Variants in RBFOX1 observed in about 807,000 individuals in gnomAD.
RBFOX1 encodes the protein RNA binding protein fox-1 homolog 1.
In RBFOX1, 8 loss-of-function variants were observed where a neutral mutation model predicts 57.7. The observed-to-expected ratio is 0.14, with a 90% CI of 0.08 to 0.25. The LOEUF (loss-of-function observed/expected upper bound fraction) is 0.25, where lower values mean the gene tolerates loss of function less well. Among genes scored for constraint, RBFOX1 ranks in the 10% least tolerant of loss-of-function variants. The pLI is 1.00. For missense variants in RBFOX1, 611 were observed against 548.5 expected, an observed-to-expected ratio of 1.11 and a Z score of -1.14; for synonymous variants, 326 against 222.4, an observed-to-expected ratio of 1.47 and a Z score of -4.15.
At chr16:6,331,580 A>G (rs911382098) in intron 2 of RBFOX1, among the ~76,000 whole-genome samples, 4 of 131,776 alleles carry the variant, frequency 3.0e-5, no homozygotes, top group Non-Finnish European at 4.7e-5. Context: ...GTGTGTGTGT[A>G]TATATATATG....
In RBFOX1 at chr16:6,503,205, AT is replaced by A. The variant is rs1046942525; in HGVS notation, c.-63-151391del. ...TTTTTTTATTATTTGTTTTCATAAC[AT>A]TTTTTTAATAAAAATAACGTTAAAA... is the stretch of plus-strand genomic sequence containing the variant. On this transcript the variant is annotated intron_variant, in intron 2 of 15. Coordinates refer to ENST00000550418, the MANE Select transcript of RBFOX1 (RefSeq NM_018723.4). 5.3e-3 allele frequency among the ~76,000 whole-genome samples: 178 copies of A among 33,848 alleles called. 1 individual carries two copies. The highest frequency in any genetic ancestry group is 0.023 in the East Asian group (17 of 736). The allele number at this position is 33,848 out of a possible 152,430, so 22.2% of individuals were successfully genotyped here. A position where few individuals can be genotyped will look rare whatever the true frequency, so the allele number is the denominator to read the frequency against.
intron 3 of RBFOX1, among the ~76,000 whole-genome samples, chr16:6,987,778 GA>G (rs2090620016): frequency 6.6e-6 from 1 of 152,148 alleles, no homozygotes; most frequent in South Asian, 2.1e-4. Flanking sequence ...AGGAGAATAA[GA>G]ACGAACATTG....
At chr16:7,474,628 C>T (rs1048872515) in intron 4 of RBFOX1, among the ~76,000 whole-genome samples, 1 of 152,208 alleles carries the variant, frequency 6.6e-6, no homozygotes, top group African/African-American at 2.4e-5. Context: ...ATTAAGGAGC[C>T]TGGCTCTAAA....
At chr16:6,778,983 TTAAA>T (rs1168288053) in intron 3 of RBFOX1, among the ~76,000 whole-genome samples, 1 of 152,102 alleles carries the variant, frequency 6.6e-6, no homozygotes, top group Non-Finnish European at 1.5e-5. Flanking sequence ...TAGCCTAACT[TTAAA>T]TATTTATCAT....
intron 3 of RBFOX1, among the ~76,000 whole-genome samples, chr16:6,668,301 G>C (rs150353443): frequency 7.0e-4 from 106 of 152,338 alleles, no homozygotes; most frequent in African/African-American, 2.5e-3. Flanking sequence ...TGATTGATTA[G>C]TGATGCCTGC....
chr16:6,849,397 G>C (rs1328959984), intron 3 of RBFOX1, among the ~76,000 whole-genome samples: 1 of 152,200 alleles, frequency 6.6e-6, no homozygotes. Flanking sequence ...GGCTGGGTGT[G>C]GTGGCTCACA....
intron 2 of RBFOX1, among the ~76,000 whole-genome samples, chr16:6,510,772 A>G (rs1303214912): frequency 1.3e-5 from 2 of 152,096 alleles, no homozygotes; most frequent in Admixed American, 6.6e-5. Context: ...AAAAAAGACA[A>G]CAATTTGTTG....
At position 6,178,601 on chromosome 16, in the gene RBFOX1, A is replaced by T. The variant is rs113485099; in HGVS notation, c.-126-138394A>T. 7.2e-3 allele frequency among the ~76,000 whole-genome samples: 1,099 copies of T among 152,292 alleles called. 12 individuals carry two copies. Among genetic ancestry groups the T allele is most frequent in the Non-Finnish European group, 0.011 (724 of 68,020 alleles). ...CATATTTTTAAAGCCATATAAAAGA[A>T]GGAATGTGTTTAGTTCTGTTACTCT... On this transcript the variant is annotated intron_variant, in intron 1 of 15. Coordinates refer to ENST00000550418, the MANE Select transcript of RBFOX1 (RefSeq NM_018723.4).
chr16:5,772,523 C>G (rs1311227274), intron 3 of RBFOX1, among the ~76,000 whole-genome samples: 1 of 152,108 alleles, frequency 6.6e-6, no homozygotes, highest in African/African-American at 2.4e-5. Context: ...GACCATAAAC[C>G]TTATGAGAAA....
At chr16:5,693,119 G>T (rs1300878998) in intron 3 of RBFOX1, among the ~76,000 whole-genome samples, 2 of 152,160 alleles carry the variant, frequency 1.3e-5, no homozygotes, top group Admixed American at 6.5e-5. Flanking sequence ...AGACGTGGGT[G>T]TGAGCATCCT....
intron 11 of RBFOX1, among the ~76,000 whole-genome samples, chr16:7,631,576 G>A (rs17144401): frequency 0.044 from 6,666 of 152,190 alleles, 207 homozygotes; most frequent in South Asian, 0.12. Context: ...TGGAGTTGCC[G>A]TAACTGCAGA....
At chr16:5,956,670 A>ATTT (rs1303621980) in intron 4 of RBFOX1, among the ~76,000 whole-genome samples, 1 of 45,856 alleles carries the variant, frequency 2.2e-5, no homozygotes, top group African/African-American at 1.0e-4. Context: ...ATATATATAT[A>ATTT]TATATATATT....
intron 3 of RBFOX1, among the ~76,000 whole-genome samples, chr16:6,729,234 C>G (rs1282468461): frequency 3.9e-5 from 6 of 152,088 alleles, no homozygotes; most frequent in Admixed American, 6.6e-5. Context: ...TTGGGGTCAC[C>G]AGACCCCAGG....
chr16:6,810,234 T>G (rs527678046), intron 3 of RBFOX1, among the ~76,000 whole-genome samples: 1 of 152,150 alleles, frequency 6.6e-6, no homozygotes, highest in Non-Finnish European at 1.5e-5. Flanking sequence ...CATCCCTCTT[T>G]TTCTTGGAGA....
chr16:6,500,784 C>G (rs1463544156), intron 2 of RBFOX1, among the ~76,000 whole-genome samples: 1 of 151,900 alleles, frequency 6.6e-6, no homozygotes, highest in East Asian at 1.9e-4. Context: ...TATAAACCAA[C>G]TGTGATATGT....
At position 6,108,627 on chromosome 16, in the gene RBFOX1, G is replaced by A. The variant is rs936812985; in HGVS notation, c.-127+88635G>A. ...TGTCACACAGTTGGTGGCTTAGCAC[G>A]ACATTTATTCTTTCACAGTTCTAGA... On this transcript the variant is annotated intron_variant, in intron 1 of 15. Coordinates refer to ENST00000550418, the MANE Select transcript of RBFOX1 (RefSeq NM_018723.4). Among the ~76,000 whole-genome samples the A allele has an allele frequency of 5.9e-5, 9 of 152,104 alleles. 1 individual carries two copies. In the South Asian group the frequency reaches 8.3e-4, roughly 14 times the overall value.
chr16:6,900,330 C>A (rs1296428001), intron 3 of RBFOX1, among the ~76,000 whole-genome samples: 1 of 152,222 alleles, frequency 6.6e-6, no homozygotes, highest in Non-Finnish European at 1.5e-5. Flanking sequence ...TCATCTCCCC[C>A]TGGAGCTACC....
chr16:5,293,285 A>T (rs757973225), intron 1 of RBFOX1, among the ~76,000 whole-genome samples: 5 of 152,154 alleles, frequency 3.3e-5, no homozygotes, highest in Non-Finnish European at 5.9e-5. Flanking sequence ...CCCATGAAGC[A>T]TATTAGCTGG....
chr16:6,902,033 G>T (rs116254993), intron 3 of RBFOX1, among the ~76,000 whole-genome samples: 11 of 152,050 alleles, frequency 7.2e-5, no homozygotes, highest in African/African-American at 2.2e-4. Flanking sequence ...GCTTAAGGTT[G>T]CACTTTACCT....
Sources: allele counts gnomAD v4.1 joint callset (sites outside exome capture counted in the v4.1 genomes callset), GRCh38; gene constraint gnomAD v4.1.1; transcripts MANE v1.5; gene names NCBI Gene and HGNC (gene_info 2026-07-23, HGNC 2026-07-21).